The following SLC24A2 variants were observed in gnomAD, a reference collection of about 807,000 sequenced individuals.
SLC24A2 encodes solute carrier family 24 member 2.
Under a neutral mutation model 62.0 loss-of-function variants are expected in SLC24A2, and 36 were observed. That is an observed-to-expected ratio of 0.58 (90% CI 0.44 to 0.77). SLC24A2 has a LOEUF of 0.77. Ranked by LOEUF, SLC24A2 falls within the 30% of genes least tolerant of loss-of-function variation. SLC24A2 has a pLI of 0.00. For missense variants in SLC24A2, 846 were observed against 817.9 expected (o/e 1.03, Z -0.42); for synonymous variants, 358 against 294.0 (o/e 1.22, Z -2.23).
chr9:20,261,169 C>A, the SLC24A2 span, among the ~76,000 whole-genome samples: 2 of 152,092 alleles, frequency 1.3e-5, no homozygotes, highest in Non-Finnish European at 2.9e-5. Flanking sequence ...AATGTATCAT[C>A]CTTATGCCTT....
chr9:19,515,876 G>C lies in SLC24A2; in HGVS notation c.*277C>G, dbSNP rs757693375. The C allele has an allele frequency of 2.2e-6, 1 of 444,840 alleles. No homozygotes were observed. Among genetic ancestry groups the C allele is most frequent in the Non-Finnish European group, 4.2e-6 (1 of 239,290 alleles). The allele number at this position is 444,840 out of a possible 1,614,324, so 27.6% of individuals were successfully genotyped here. On this transcript the variant is annotated 3_prime_UTR_variant, in exon 11 of 11. Transcript: ENST00000341998. ...CCTTGTTTGCATCGACTGTACCTCC[G>C]ACCAGCGAGGTGTACTTGTCAGTGG...
At position 19,613,512 on chromosome 9, in the gene SLC24A2, A is replaced by G. The variant is rs1056671027; in HGVS notation, c.1078+6072T>C. 2.6e-4 allele frequency among the ~76,000 whole-genome samples: 39 copies of G among 152,154 alleles called. 1 individual carries two copies. The highest frequency in any genetic ancestry group is 1.3e-4 in the Non-Finnish European group (9 of 68,024). ...CGCTCCTCTTTCCCCAAAAAGGTCA[A>G]TCCTAAACATCTTTATTCCCAGCAT... is the stretch of plus-strand genomic sequence containing the variant. On this transcript the variant is annotated intron_variant, in intron 4 of 10. Coordinates refer to ENST00000341998, the MANE Select transcript of SLC24A2 (RefSeq NM_020344.4).
chr9:19,840,439 C>T, the SLC24A2 span, among the ~76,000 whole-genome samples: 2 of 152,246 alleles, frequency 1.3e-5, no homozygotes, highest in South Asian at 4.2e-4. Flanking sequence ...CTTAATACTT[C>T]CCAATTTCCC....
the SLC24A2 span, among the ~76,000 whole-genome samples, chr9:19,984,359 G>A: frequency 2.8e-4 from 43 of 152,156 alleles, no homozygotes; most frequent in Admixed American, 9.8e-4. Context: ...AAAACAGCAC[G>A]GTACTGGCAT....
At chr9:19,582,020 G>A (rs1421036693) in intron 5 of SLC24A2, among the ~76,000 whole-genome samples, 4 of 152,236 alleles carry the variant, frequency 2.6e-5, no homozygotes, top group South Asian at 2.1e-4. Flanking sequence ...AGGCACCTAC[G>A]TCAAAACCTA....
At chr9:20,174,054 T>C in the SLC24A2 span, among the ~76,000 whole-genome samples, 38 of 151,948 alleles carry the variant, frequency 2.5e-4, no homozygotes, top group South Asian at 8.3e-4. Context: ...GAAATACTTA[T>C]AGCCAGCTCA....
At chr9:19,618,222 G>A (rs972872564) in intron 4 of SLC24A2, among the ~76,000 whole-genome samples, 2 of 152,208 alleles carry the variant, frequency 1.3e-5, no homozygotes, top group Non-Finnish European at 2.9e-5. Flanking sequence ...AGGAGTTAAA[G>A]CAGTCGGCCT....
chr9:19,804,668 A>G, the SLC24A2 span, among the ~76,000 whole-genome samples: 1 of 152,132 alleles, frequency 6.6e-6, no homozygotes, highest in African/African-American at 2.4e-5. Context: ...AACCTCAAGT[A>G]CAACATTGAA....
intron 2 of SLC24A2, among the ~76,000 whole-genome samples, chr9:19,784,482 A>T (rs1823102364): frequency 6.6e-6 from 1 of 152,258 alleles, no homozygotes; most frequent in Non-Finnish European, 1.5e-5. Flanking sequence ...TTTATAAGAC[A>T]TCGAATCATT....
intron 2 of SLC24A2, among the ~76,000 whole-genome samples, chr9:19,685,416 A>G (rs1286436136): frequency 6.6e-6 from 1 of 152,168 alleles, no homozygotes; most frequent in Non-Finnish European, 1.5e-5. Flanking sequence ...GCTATCTTAA[A>G]AATTATATGG....
At chr9:20,075,020 T>C in the SLC24A2 span, among the ~76,000 whole-genome samples, 1 of 152,156 alleles carries the variant, frequency 6.6e-6, no homozygotes, top group Non-Finnish European at 1.5e-5. Flanking sequence ...ATGTATAAGC[T>C]CCATTCAGCT....
chr9:19,969,399 C>G, the SLC24A2 span, among the ~76,000 whole-genome samples: 1 of 152,164 alleles, frequency 6.6e-6, no homozygotes, highest in Non-Finnish European at 1.5e-5. Flanking sequence ...ATTTCAGTCT[C>G]ACTATCTCTC....
At chr9:19,567,145 TAAA>T (rs542321833) in intron 7 of SLC24A2, among the ~76,000 whole-genome samples, 2 of 131,106 alleles carry the variant, frequency 1.5e-5, no homozygotes, top group Non-Finnish European at 3.4e-5. Context: ...TAAAGTATAA[TAAA>T]AAAAATAAAC....
chr9:20,295,463 C>T, the SLC24A2 span, among the ~76,000 whole-genome samples: 1 of 152,182 alleles, frequency 6.6e-6, no homozygotes, highest in South Asian at 2.1e-4. Context: ...TAAGGAATAC[C>T]TAGAAACCTG....
the SLC24A2 span, among the ~76,000 whole-genome samples, chr9:20,304,787 G>C: frequency 1.3e-5 from 2 of 152,178 alleles, no homozygotes; most frequent in Admixed American, 6.5e-5. Context: ...GCTAGAGAGA[G>C]AAGAAACAAG....
the SLC24A2 span, among the ~76,000 whole-genome samples, chr9:19,922,812 G>GAGC: frequency 1.1e-3 from 160 of 152,260 alleles, 1 homozygote; most frequent in Middle Eastern, 0.01. Flanking sequence ...GCTTGTACAT[G>GAGC]TCTGAGTCTC....
At chr9:19,756,903 C>CTATTTT (rs1822156990) in intron 2 of SLC24A2, among the ~76,000 whole-genome samples, 1 of 78,522 alleles carries the variant, frequency 1.3e-5, no homozygotes, top group Admixed American at 2.1e-4. Flanking sequence ...TTTACTGAAG[C>CTATTTT]TTTTTTTTTT....
At chr9:20,302,702 C>G in the SLC24A2 span, among the ~76,000 whole-genome samples, 1 of 152,120 alleles carries the variant, frequency 6.6e-6, no homozygotes, top group Non-Finnish European at 1.5e-5. Flanking sequence ...TTGACTATGT[C>G]TTTCACAGAG....
chr9:19,649,325 C>A (rs929149531), intron 2 of SLC24A2, among the ~76,000 whole-genome samples: 2 of 151,824 alleles, frequency 1.3e-5, no homozygotes, highest in African/African-American at 4.8e-5. Flanking sequence ...ATATGTTGAT[C>A]TGTAGCTTGA....
Sources: gnomAD v4.1 joint callset for allele counts (sites outside exome capture counted in the v4.1 genomes callset) on GRCh38, gnomAD v4.1.1 for gene constraint, MANE v1.5 for transcripts, NCBI Gene and HGNC (gene_info 2026-07-23, HGNC 2026-07-21) for gene names.